CACNA2D1: variants seen among roughly 807,000 people sequenced by gnomAD.
CACNA2D1 encodes the protein calcium voltage-gated channel auxiliary subunit alpha2delta 1, also known as voltage-dependent calcium channel subunit alpha-2/delta-1.
Under a neutral mutation model 171.5 loss-of-function variants are expected in CACNA2D1, and 53 were observed. That is an observed-to-expected ratio of 0.31 (90% CI 0.25 to 0.39). The LOEUF (loss-of-function observed/expected upper bound fraction) is 0.39, where lower values mean the gene tolerates loss of function less well. CACNA2D1 is among the 10% of genes least tolerant of loss of function. The probability of loss-of-function intolerance (pLI) is 1.00; values close to 1 mark genes in which losing one functional copy is unlikely to be tolerated. For missense variants in CACNA2D1, 903 were observed against 1,299.8 expected, an observed-to-expected ratio of 0.69 and a Z score of 4.69; for synonymous variants, 442 against 443.1, an observed-to-expected ratio of 1.00 and a Z score of 0.03.
At chr7:82,288,002 T>A (rs2129389742) in intron 3 of CACNA2D1, among the ~76,000 whole-genome samples, 1 of 151,256 alleles carries the variant, frequency 6.6e-6, no homozygotes, top group Middle Eastern at 3.4e-3. Flanking sequence ...GGCTAATTTT[T>A]TTTTTTTTTT....
chr7:81,965,067 C>T (rs1461509906), intron 32 of CACNA2D1, among the ~76,000 whole-genome samples: 1 of 151,800 alleles, frequency 6.6e-6, no homozygotes, highest in African/African-American at 2.4e-5. Context: ...ATCAGCTCCA[C>T]CCCATAAATC....
chr7:82,257,223 T>G (rs1217204982), intron 3 of CACNA2D1, among the ~76,000 whole-genome samples: 1 of 152,214 alleles, frequency 6.6e-6, no homozygotes, highest in East Asian at 1.9e-4. Context: ...GTAGCTTACA[T>G]AAGGCATTTC....
intron 10 of CACNA2D1, among the ~76,000 whole-genome samples, chr7:82,044,148 C>A (rs1386979013): frequency 6.6e-6 from 1 of 152,108 alleles, no homozygotes; most frequent in Admixed American, 6.6e-5. Context: ...GCCTCCCAAG[C>A]AGCTGGAATT....
intron 5 of CACNA2D1, among the ~76,000 whole-genome samples, chr7:82,128,293 T>C (rs893911363): frequency 3.3e-5 from 5 of 152,160 alleles, no homozygotes; most frequent in African/African-American, 4.8e-5. Flanking sequence ...ATAATTTTTA[T>C]ATTATACAAT....
intron 1 of CACNA2D1, among the ~76,000 whole-genome samples, chr7:82,400,507 G>C (rs1826263702): frequency 1.3e-5 from 2 of 151,850 alleles, no homozygotes; most frequent in African/African-American, 4.8e-5. Flanking sequence ...GCCATATGTA[G>C]AAAGCTAAAA....
chr7:82,025,887 C>T (rs1469518842), intron 12 of CACNA2D1, among the ~76,000 whole-genome samples: 2 of 151,658 alleles, frequency 1.3e-5, no homozygotes, highest in Non-Finnish European at 3.0e-5. Flanking sequence ...GGTATTCAAG[C>T]TTTCTAGTAT....
At chr7:82,332,566 G>GAAAGA (rs1182049378) in intron 3 of CACNA2D1, among the ~76,000 whole-genome samples, 1 of 141,304 alleles carries the variant, frequency 7.1e-6, no homozygotes, top group East Asian at 2.0e-4. Context: ...AAGAAAGAAA[G>GAAAGA]AACGAACAGA....
At chr7:82,126,511 CT>C (rs1012304586) in intron 5 of CACNA2D1, among the ~76,000 whole-genome samples, 2 of 152,006 alleles carry the variant, frequency 1.3e-5, no homozygotes, top group African/African-American at 4.8e-5. Flanking sequence ...TAAAACTCAA[CT>C]TTTTTTTATT....
intron 3 of CACNA2D1, among the ~76,000 whole-genome samples, chr7:82,301,581 A>T (rs1275977094): frequency 6.6e-6 from 1 of 152,178 alleles, no homozygotes; most frequent in Non-Finnish European, 1.5e-5. Context: ...GTAGCTTGAT[A>T]ATGATCCTTT....
intron 1 of CACNA2D1, among the ~76,000 whole-genome samples, chr7:82,433,444 AT>A (rs1191896663): frequency 6.6e-5 from 10 of 152,210 alleles, no homozygotes; most frequent in Non-Finnish European, 1.2e-4. Context: ...CTTCTTGAGA[AT>A]GGAATATGTA....
At chr7:81,973,048 G>C (rs1795457680) in intron 25 of CACNA2D1, among the ~76,000 whole-genome samples, 1 of 151,924 alleles carries the variant, frequency 6.6e-6, no homozygotes, top group Non-Finnish European at 1.5e-5. Context: ...AAAATAAATA[G>C]ATACAGATAT....
At chr7:82,060,384 A>G (rs1806714414) in intron 10 of CACNA2D1, 44 bp downstream of exon 10, 1 of 1,299,546 alleles carries the variant, frequency 7.7e-7, no homozygotes, top group Non-Finnish European at 1.1e-6. Flanking sequence ...AGAAGATAGA[A>G]ATTGCAAATT....
chr7:82,372,359 A>G (rs532384438), intron 1 of CACNA2D1, among the ~76,000 whole-genome samples: 2 of 152,316 alleles, frequency 1.3e-5, no homozygotes, highest in South Asian at 4.1e-4. Context: ...AAAATAAGCT[A>G]TAAACTTCAA....
intron 4 of CACNA2D1, among the ~76,000 whole-genome samples, chr7:82,151,245 C>T (rs1793826743): frequency 1.3e-5 from 2 of 152,224 alleles, no homozygotes; most frequent in Middle Eastern, 3.4e-3. Context: ...GGCATATTTT[C>T]ATAGGAGTTA....
chr7:82,301,061 A>G (rs1812937592), intron 3 of CACNA2D1, among the ~76,000 whole-genome samples: 1 of 152,200 alleles, frequency 6.6e-6, no homozygotes, highest in African/African-American at 2.4e-5. Flanking sequence ...ATTTGCATAA[A>G]AGTTGAGATG....
chr7:82,268,001 A>G (rs1808130326), intron 3 of CACNA2D1, among the ~76,000 whole-genome samples: 1 of 152,156 alleles, frequency 6.6e-6, no homozygotes, highest in Non-Finnish European at 1.5e-5. Context: ...CATCTCAAAA[A>G]CAAAACAAAA....
At position 82,432,037 on chromosome 7, in the gene CACNA2D1, TA is replaced by T. The variant is rs34180150; in HGVS notation, c.95+11327del. Among the ~76,000 whole-genome samples the T allele has an allele frequency of 1.8e-3, 150 of 82,210 alleles. 2 individuals carry two copies. Among genetic ancestry groups the T allele is most frequent in the East Asian group, 3.4e-3 (11 of 3,266 alleles). 53.9% of individuals were successfully genotyped at this position (82,210 alleles called of 152,430 possible). On this transcript the variant is annotated intron_variant, in intron 1 of 38. Coordinates refer to ENST00000356860, the MANE Select transcript of CACNA2D1 (RefSeq NM_000722.4). ...TGGGCAACAGAACAAGACTCTGTCT[TA>T]AAAAAAAAAAAAAAAAAAAATTGGA... is the stretch of plus-strand genomic sequence containing the variant.
chr7:82,046,031 T>C (rs1217313852), intron 10 of CACNA2D1, among the ~76,000 whole-genome samples: 3 of 152,186 alleles, frequency 2.0e-5, no homozygotes, highest in African/African-American at 4.8e-5. Context: ...GCAGTAACTT[T>C]AGAAATTTTT....
rs1339591076 is a variant in CACNA2D1, at chr7:82,285,821, T to C, written c.294+49314A>G. On this transcript the variant is annotated intron_variant, in intron 3 of 38. Coordinates refer to ENST00000356860, the MANE Select transcript of CACNA2D1 (RefSeq NM_000722.4). ...AACACAGGTTATGAAGACTCTTTCC[T>C]ACTTGGTGATGTCTTACGTTAAAGT... 2.0e-5 allele frequency among the ~76,000 whole-genome samples: 3 copies of C among 152,336 alleles called. No homozygotes were observed. In the East Asian group the frequency reaches 5.8e-4, roughly 29 times the overall value.
Sources: gnomAD v4.1 joint callset for allele counts (sites outside exome capture counted in the v4.1 genomes callset) on GRCh38, gnomAD v4.1.1 for gene constraint, MANE v1.5 for transcripts, NCBI Gene and HGNC (gene_info 2026-07-23, HGNC 2026-07-21) for gene names.